Variants in CSMD1 observed in about 807,000 individuals in gnomAD.
The protein encoded by CSMD1 is CUB and Sushi multiple domains 1, also known as CUB and sushi domain-containing protein 1.
A neutral mutation model predicts 417.5 loss-of-function variants in CSMD1; 213 were observed. The observed-to-expected ratio is 0.51, with a 90% CI of 0.46 to 0.57. The LOEUF (loss-of-function observed/expected upper bound fraction) is 0.57. Ranked by LOEUF, CSMD1 falls within the 20% of genes least tolerant of loss-of-function variation. The pLI, the probability that CSMD1 is intolerant of heterozygous loss-of-function variation, is 0.00. For synonymous variants in CSMD1, 2,862 were observed against 1,736.8 expected (o/e 1.65, Z -16.11); for missense variants, 6,923 against 4,529.7 (o/e 1.53, Z -15.17).
chr8:4,703,663 G>C (rs1385689462), intron 1 of CSMD1, among the ~76,000 whole-genome samples: 2 of 152,068 alleles, frequency 1.3e-5, no homozygotes, highest in Non-Finnish European at 2.9e-5. Context: ...TAATCTAGAA[G>C]ACAAATAGTA....
intron 1 of CSMD1, among the ~76,000 whole-genome samples, chr8:4,676,550 G>C (rs1805692647): frequency 6.6e-6 from 1 of 152,082 alleles, no homozygotes; most frequent in South Asian, 2.1e-4. Flanking sequence ...ATCATCACTA[G>C]CACCAGTTTA....
At chr8:4,092,389 C>T (rs551111546) in intron 3 of CSMD1, among the ~76,000 whole-genome samples, 14 of 152,144 alleles carry the variant, frequency 9.2e-5, no homozygotes, top group African/African-American at 3.4e-4. Context: ...TGCTCTCCAC[C>T]GTAAGGCAAT....
intron 3 of CSMD1, among the ~76,000 whole-genome samples, chr8:4,217,064 C>G (rs573574885): frequency 6.6e-6 from 1 of 152,164 alleles, no homozygotes; most frequent in Non-Finnish European, 1.5e-5. Flanking sequence ...AGGTAGTGTC[C>G]TGTGTCTGTT....
intron 4 of CSMD1, among the ~76,000 whole-genome samples, chr8:4,006,861 T>G (rs1420972041): frequency 8.6e-6 from 1 of 116,320 alleles, no homozygotes; most frequent in African/African-American, 3.4e-5. Context: ...GGAGACTCAC[T>G]CTGTTGCCCA....
At position 3,018,644 on chromosome 8, in the gene CSMD1, G is replaced by A. The variant is rs377667100; in HGVS notation, c.7862C>T (p.Ser2621Leu). ...TGGGGGAAAGGAAAGGCTTCCACAC[G>A]AGATAACTAGAAGGAAAAACAATAA... ...GDERPSCRVI[S>L]CGSLSFPPNG... The change falls in exon 52 of 70, where the codon TCG becomes TTG. Residue 2621 changes from serine (S) to leucine (L), a missense_variant. Coordinates refer to ENST00000635120, the MANE Select transcript of CSMD1 (RefSeq NM_033225.6). The A allele has an allele frequency of 2.5e-6, 4 of 1,609,994 alleles. No individual in the cohort carries two copies. Among genetic ancestry groups the A allele is most frequent in the African/African-American group, 2.7e-5 (2 of 74,346 alleles).
chr8:3,725,644 G>C (rs1170051575), intron 6 of CSMD1, among the ~76,000 whole-genome samples: 2 of 152,098 alleles, frequency 1.3e-5, no homozygotes, highest in South Asian at 2.1e-4. Flanking sequence ...CAAGCAACAG[G>C]ATGGAGTGAG....
intron 3 of CSMD1, among the ~76,000 whole-genome samples, chr8:4,306,835 T>TG (rs1554524374): frequency 6.6e-6 from 1 of 151,328 alleles, no homozygotes; most frequent in Admixed American, 6.6e-5. Flanking sequence ...TCTCCAGATT[T>TG]AAAAAAAATC....
chr8:3,771,062 T>C (rs901178722), intron 5 of CSMD1, among the ~76,000 whole-genome samples: 5 of 152,100 alleles, frequency 3.3e-5, no homozygotes, highest in African/African-American at 9.7e-5. Context: ...TTTGCATGTC[T>C]GTGGTGGACA....
chr8:4,101,354 C>CA (rs913528109), intron 3 of CSMD1, among the ~76,000 whole-genome samples: 4 of 152,132 alleles, frequency 2.6e-5, no homozygotes, highest in African/African-American at 9.7e-5. Flanking sequence ...CAGCCCTAAC[C>CA]AATACCACAT....
intron 49 of CSMD1, among the ~76,000 whole-genome samples, chr8:3,082,660 G>A (rs1182464468): frequency 6.6e-6 from 1 of 152,254 alleles, no homozygotes; most frequent in Non-Finnish European, 1.5e-5. Context: ...ACTTGTATGA[G>A]GCTTCAGACC....
At chr8:4,557,452 G>T (rs1798145729) in intron 2 of CSMD1, among the ~76,000 whole-genome samples, 1 of 150,984 alleles carries the variant, frequency 6.6e-6, no homozygotes, top group Non-Finnish European at 1.5e-5. Context: ...GAAATGAGAT[G>T]AAATACATTT....
In CSMD1 at chr8:4,954,194, A is replaced by G. The variant is rs966586583; in HGVS notation, c.85+40138T>C. 7.2e-5 allele frequency among the ~76,000 whole-genome samples: 11 copies of G among 152,340 alleles called. 1 individual carries two copies. In the East Asian group the frequency reaches 2.1e-3, roughly 29 times the overall value. On this transcript the variant is annotated intron_variant, in intron 1 of 69. Coordinates refer to ENST00000635120, the MANE Select transcript of CSMD1 (RefSeq NM_033225.6). ...TTAGAAATAAACAAACAGAAAACAC[A>G]TTATGTGTTCCCTAACCTCAAGGAG...
At chr8:3,819,273 G>C (rs533835578) in intron 5 of CSMD1, among the ~76,000 whole-genome samples, 105 of 152,176 alleles carry the variant, frequency 6.9e-4, no homozygotes, top group Non-Finnish European at 1.0e-3. Context: ...CAGTTATAAG[G>C]AACTTCTCAC....
rs150001816 is a variant in CSMD1 at position 3,778,471 on chromosome 8, G to T, written c.819-24429C>A. Among the ~76,000 whole-genome samples, 8 of 152,260 alleles carry T rather than the reference G, an allele frequency of 5.3e-5. No homozygotes were observed. In the East Asian group the frequency reaches 1.5e-3, roughly 29 times the overall value. ...CCCAAGGTGCCCTCGCCTTACAAGGGTTCCTGTCTTACGGTAGTCCCATTG... is the reference window on the plus strand; with the variant it reads ...CCCAAGGTGCCCTCGCCTTACAAGGTTTCCTGTCTTACGGTAGTCCCATTG... On this transcript the variant is annotated intron_variant, in intron 5 of 69. Transcript: ENST00000635120.
At position 3,812,569 on chromosome 8, in the gene CSMD1, G is replaced by C. The variant is rs150946075; in HGVS notation, c.819-58527C>G. On this transcript the variant is annotated intron_variant, in intron 5 of 69. Transcript: ENST00000635120. ...AAATTCAACTATCCTCGGAGACCTTGCTTATGAGGAAATAAATACTTACGC... is the reference window on the plus strand; with the variant it reads ...AAATTCAACTATCCTCGGAGACCTTCCTTATGAGGAAATAAATACTTACGC... Among the ~76,000 whole-genome samples, 391 of 152,290 alleles carry C rather than the reference G, an allele frequency of 2.6e-3. 4 individuals carry two copies. Among genetic ancestry groups the C allele is most frequent in the African/African-American group, 8.9e-3 (368 of 41,554 alleles).
At chr8:4,412,936 C>T (rs1796728506) in intron 3 of CSMD1, among the ~76,000 whole-genome samples, 1 of 151,622 alleles carries the variant, frequency 6.6e-6, no homozygotes, top group Non-Finnish European at 1.5e-5. Context: ...GTTGACGCCT[C>T]AGGTTAACAG....
chr8:3,287,276 G>A (rs1467898938), intron 25 of CSMD1, among the ~76,000 whole-genome samples: 1 of 151,470 alleles, frequency 6.6e-6, no homozygotes, highest in Non-Finnish European at 1.5e-5. Context: ...GATTGACTTG[G>A]TGATTCGGGC....
chr8:3,441,365 G>A (rs1017918935), intron 12 of CSMD1, among the ~76,000 whole-genome samples: 4 of 151,966 alleles, frequency 2.6e-5, no homozygotes, highest in Admixed American at 1.3e-4. Context: ...TTTGTGCATC[G>A]ACTGATATAA....
At chr8:4,162,760 A>G (rs958798160) in intron 3 of CSMD1, among the ~76,000 whole-genome samples, 1 of 152,148 alleles carries the variant, frequency 6.6e-6, no homozygotes, top group Non-Finnish European at 1.5e-5. Context: ...ATTATCATCC[A>G]AACCCCCAGT....
Sources: allele counts gnomAD v4.1 joint callset (sites outside exome capture counted in the v4.1 genomes callset), GRCh38; gene constraint gnomAD v4.1.1; transcripts MANE v1.5; gene names NCBI Gene and HGNC (gene_info 2026-07-23, HGNC 2026-07-21).